PRKRA: variants seen among roughly 807,000 people sequenced by gnomAD.
The protein encoded by PRKRA is interferon-inducible double-stranded RNA-dependent protein kinase activator A.
PRKRA carries 22 observed loss-of-function variants against 32.4 expected under a neutral mutation model. That is an observed-to-expected ratio of 0.68 (90% CI 0.49 to 0.97). The LOEUF (loss-of-function observed/expected upper bound fraction) is 0.97, where lower values mean the gene tolerates loss of function less well. Ranked by LOEUF, PRKRA falls within the 50% of genes least tolerant of loss-of-function variation. PRKRA has a pLI of 0.00. For synonymous variants in PRKRA, 139 were observed against 129.8 expected (o/e 1.07, Z -0.48); for missense variants, 319 against 375.6 (o/e 0.85, Z 1.25).
At position 178,432,062 on chromosome 2, in the gene PRKRA, T is replaced by G; in HGVS notation, c.*35A>C. On this transcript the variant is annotated 3_prime_UTR_variant, in exon 8 of 8. Coordinates refer to ENST00000325748, the MANE Select transcript of PRKRA (RefSeq NM_003690.5). ...GAAGGGGCCAGAGGGGAACTTTTTA[T>G]GTGCTACTGAAAGATTTTTTAAGTT... 25 of 1,611,344 alleles carry G rather than the reference T, an allele frequency of 1.6e-5. No individual in the cohort carries two copies. Among genetic ancestry groups the G allele is most frequent in the Non-Finnish European group, 2.0e-5 (24 of 1,177,816 alleles).
In PRKRA at chr2:178,431,809, A is replaced by T. The variant is rs545970510; in HGVS notation, c.*288T>A. 1.8e-5 allele frequency: 8 copies of T among 441,696 alleles called. No homozygotes were observed. In the South Asian group the frequency reaches 1.8e-4, roughly 10 times the overall value. 27.4% of individuals were successfully genotyped at this position (441,696 alleles called of 1,614,324 possible). ...CGCTAGCATTTTTATTTCATCATCA[A>T]CAACAAACATGCAGTTTCTTTCTCT... is the stretch of plus-strand genomic sequence containing the variant. On this transcript the variant is annotated 3_prime_UTR_variant, in exon 8 of 8. Coordinates refer to ENST00000325748, the MANE Select transcript of PRKRA (RefSeq NM_003690.5).
chr2:178,441,164 T>G (rs1697099291), intron 6 of PRKRA, among the ~76,000 whole-genome samples: 2 of 152,206 alleles, frequency 1.3e-5, no homozygotes, highest in African/African-American at 4.8e-5. Context: ...CTGTAAGGAC[T>G]AGCCTATAGA....
At chr2:178,433,151 C>T (rs556194696) in intron 7 of PRKRA, among the ~76,000 whole-genome samples, 6 of 152,336 alleles carry the variant, frequency 3.9e-5, no homozygotes, top group South Asian at 2.1e-4. Flanking sequence ...CCTCCAGCTT[C>T]TGCTTGAGGC....
chr2:178,434,749 T>C (rs1696817498), intron 7 of PRKRA, among the ~76,000 whole-genome samples: 1 of 152,116 alleles, frequency 6.6e-6, no homozygotes, highest in South Asian at 2.1e-4. Context: ...TTTCCCAGGG[T>C]CAGGGGACCC....
intron 3 of PRKRA, among the ~76,000 whole-genome samples, chr2:178,445,248 C>T (rs1697273080): frequency 6.6e-6 from 1 of 152,158 alleles, no homozygotes; most frequent in Admixed American, 6.5e-5. Flanking sequence ...AGTTACTTAG[C>T]AGGTCAGTAC....
rs533794220 is a variant in PRKRA at position 178,438,330 on chromosome 2, C to A, written c.610-2011G>T. Among the ~76,000 whole-genome samples the A allele has an allele frequency of 1.6e-3, 220 of 136,162 alleles. 5 individuals carry two copies. The South Asian group carries it at 0.026, about 16-fold the overall frequency. The allele number at this position is 136,162 out of a possible 152,430, so 89.3% of individuals were successfully genotyped here. On this transcript the variant is annotated intron_variant, in intron 6 of 7. Transcript: ENST00000325748. Reference sequence around the variant, plus strand: ...CATTCTAAATAGATGTCATACACATCAACAAATATATATATATAGCCCCCA... The same window carrying A: ...CATTCTAAATAGATGTCATACACATAAACAAATATATATATATAGCCCCCA...
intron 7 of PRKRA, among the ~76,000 whole-genome samples, chr2:178,432,626 C>T (rs1255504196): frequency 6.6e-6 from 1 of 152,154 alleles, no homozygotes; most frequent in African/African-American, 2.4e-5. Context: ...CTGAACCACA[C>T]AGTAACTTTC....
intron 7 of PRKRA, chr2:178,433,719 T>G (rs2154124577): frequency 6.6e-6 from 1 of 152,264 alleles, no homozygotes; most frequent in Admixed American, 6.5e-5. Context: ...AACTCCTGGG[T>G]TCCAGCGATG....
At chr2:178,447,376 G>A (rs1697361462) in intron 3 of PRKRA, 129 bp downstream of exon 3, 1 of 1,486,138 alleles carries the variant, frequency 6.7e-7, no homozygotes, top group African/African-American at 1.4e-5. Flanking sequence ...TTTTCATAAG[G>A]AAATAGAATT....
chr2:178,432,281 A>C (rs761109468), intron 7 of PRKRA, 27 bp from the exon 8 acceptor site: 1 of 805,104 alleles, frequency 1.2e-6, no homozygotes, highest in East Asian at 5.3e-5. Flanking sequence ...AAGGATGACG[A>C]TTAATGTCCA....
intron 6 of PRKRA, among the ~76,000 whole-genome samples, chr2:178,437,261 A>C (rs1696937963): frequency 6.6e-6 from 1 of 152,200 alleles, no homozygotes; most frequent in Non-Finnish European, 1.5e-5. Flanking sequence ...ACTAAGAACA[A>C]ATATATAATG....
chr2:178,434,718 T>G (rs1475989965), intron 7 of PRKRA, among the ~76,000 whole-genome samples: 1 of 152,172 alleles, frequency 6.6e-6, no homozygotes, highest in Non-Finnish European at 1.5e-5. Context: ...CAGGAGTTCT[T>G]TGAGCCCCTA....
At chr2:178,449,150 T>C (rs993029557) in intron 2 of PRKRA, among the ~76,000 whole-genome samples, 5 of 152,268 alleles carry the variant, frequency 3.3e-5, no homozygotes, top group Middle Eastern at 3.4e-3. Context: ...ACGGTTGCCA[T>C]AGGTTGTTAA....
chr2:178,450,675 G>C (rs1302688766), intron 1 of PRKRA: 2 of 1,421,958 alleles, frequency 1.4e-6, no homozygotes, highest in African/African-American at 1.4e-5. Flanking sequence ...AACAGGGCTG[G>C]CAGCAGCGCC....
At chr2:178,441,559 C>T in intron 6 of PRKRA, 51 bp downstream of exon 6, 1 of 1,090,046 alleles carries the variant, frequency 9.2e-7, no homozygotes, top group Non-Finnish European at 1.2e-6. Context: ...AAGTTTCCTA[C>T]TGCAAGAAAT....
Position 178,444,604 on chromosome 2 carries a change from A to G in PRKRA, c.318-104T>C, listed in dbSNP as rs1697247816. On this transcript the variant is annotated intron_variant, in intron 3 of 7. Transcript: ENST00000325748. ...AACTCTCTATGTCTTTGCTCTTGTC[A>G]TTCCTTCTACATGGAATGCCCTTTT... 8 of 701,854 alleles carry G rather than the reference A, an allele frequency of 1.1e-5. No homozygotes were observed. In the East Asian group the frequency reaches 4.1e-4, roughly 36 times the overall value. 43.5% of individuals were successfully genotyped at this position (701,854 alleles called of 1,614,324 possible).
At chr2:178,436,800 T>C (rs930694412) in intron 6 of PRKRA, among the ~76,000 whole-genome samples, 7 of 151,168 alleles carry the variant, frequency 4.6e-5, no homozygotes, top group African/African-American at 1.7e-4. Context: ...AAACATGAAA[T>C]GTGCGCGTTG....
At chr2:178,436,366 C>A (rs778400614) in intron 6 of PRKRA, 47 bp from the exon 7 acceptor site, 6 of 1,185,738 alleles carry the variant, frequency 5.1e-6, no homozygotes, top group Non-Finnish European at 5.6e-6. Context: ...GGACTGGGTT[C>A]CAACACCCGT....
At chr2:178,440,860 G>A (rs191441583) in intron 6 of PRKRA, among the ~76,000 whole-genome samples, 25 of 152,210 alleles carry the variant, frequency 1.6e-4, no homozygotes, top group South Asian at 2.1e-4. Flanking sequence ...TACTACCCTT[G>A]GGATAAAGTT....
Sources: gnomAD v4.1 joint callset for allele counts (sites outside exome capture counted in the v4.1 genomes callset) on GRCh38, gnomAD v4.1.1 for gene constraint, MANE v1.5 for transcripts, NCBI Gene and HGNC (gene_info 2026-07-23, HGNC 2026-07-21) for gene names.